The following LRP5 variants were observed in gnomAD, a reference collection of about 807,000 sequenced individuals.
LRP5 encodes the protein low-density lipoprotein receptor-related protein 5.
LRP5 carries 62 observed loss-of-function variants against 154.1 expected under a neutral mutation model. That is an observed-to-expected ratio of 0.40 (90% CI 0.33 to 0.50). The LOEUF is 0.50. LRP5 is among the 20% of genes least tolerant of loss of function. LRP5 has a pLI of 0.55. For synonymous variants in LRP5, 966 were observed against 1,011.5 expected (o/e 0.96, Z 0.85); for missense variants, 1,915 against 2,336.7 (o/e 0.82, Z 3.72).
chr11:68,438,472 A>C lies in LRP5; in HGVS notation c.4138A>C (p.Ser1380Arg). Residue 1380 changes from serine (S) to arginine (R), a missense_variant, in exon 20 of 23, where the codon AGC becomes CGC. Around this residue, in one of 3 missense-constraint regions of LRP5, gnomAD observed 1,094 missense variants for 1,210.1 expected, o/e 0.90. Coordinates refer to ENST00000294304, the MANE Select transcript of LRP5 (RefSeq NM_002335.4). The part of the protein sequence containing the change: ...CEITKPPSDD[S>R]PAHSSAIGPV... Reference sequence around the variant, plus strand: ...AATCACCAAGCCGCCCTCAGACGACAGCCCGGCCCACAGCAGTGCCATCGG... The same window carrying C: ...AATCACCAAGCCGCCCTCAGACGACCGCCCGGCCCACAGCAGTGCCATCGG... 6.2e-7 allele frequency: 1 copy of C among 1,614,194 alleles called. No individual in the cohort carries two copies. The highest frequency in any genetic ancestry group is 8.5e-7 in the Non-Finnish European group (1 of 1,180,050).
chr11:68,429,116 G>T (rs1162462970), intron 16 of LRP5, among the ~76,000 whole-genome samples: 1 of 147,498 alleles, frequency 6.8e-6, no homozygotes, highest in Non-Finnish European at 1.5e-5. Flanking sequence ...AGCCAGGCAT[G>T]GTGGTGCATG....
At chr11:68,394,597 C>G (rs1014689668) in intron 7 of LRP5, among the ~76,000 whole-genome samples, 2 of 152,100 alleles carry the variant, frequency 1.3e-5, no homozygotes, top group Non-Finnish European at 2.9e-5. Flanking sequence ...TCCCGCGTAG[C>G]TGGGACTACA....
At chr11:68,351,056 G>A (rs527267930) in intron 2 of LRP5, among the ~76,000 whole-genome samples, 6 of 152,318 alleles carry the variant, frequency 3.9e-5, no homozygotes, top group Non-Finnish European at 5.9e-5. Context: ...GAGTATGTGC[G>A]CGAGAGTGTC....
chr11:68,327,097 C>T (rs180675647), intron 1 of LRP5, among the ~76,000 whole-genome samples: 254 of 152,358 alleles, frequency 1.7e-3, no homozygotes, highest in African/African-American at 5.7e-3. Flanking sequence ...CCCGCCCCAG[C>T]AGGTGGGGGC....
chr11:68,356,066 G>A (rs1349673277), intron 2 of LRP5, among the ~76,000 whole-genome samples: 2 of 149,800 alleles, frequency 1.3e-5, no homozygotes, highest in East Asian at 2.0e-4. Context: ...GGATGGTCTC[G>A]ATCTCCTGAC....
chr11:68,416,453 G>A lies in LRP5; in HGVS notation c.2953G>A (p.Asp985Asn). Reference sequence around the variant, plus strand: ...GAGGAACGTCAAAGCCATCGACTATGACCCACTGGACAAGTTCATCTACTG... The same window carrying A: ...GAGGAACGTCAAAGCCATCGACTATAACCCACTGGACAAGTTCATCTACTG... ...GLRNVKAIDYDPLDKFIYWVD... is the reference protein window; with the variant it reads ...GLRNVKAIDYNPLDKFIYWVD... Residue 985 changes from aspartate to asparagine, a missense_variant, in exon 13 of 23, where the codon GAC becomes AAC. Asp to Asn is a conservative substitution (Grantham distance 23). Around this residue, in one of 3 missense-constraint regions of LRP5, gnomAD observed 1,094 missense variants for 1,210.1 expected, o/e 0.90. Coordinates refer to ENST00000294304, the MANE Select transcript of LRP5 (RefSeq NM_002335.4). 6.2e-7 allele frequency: 1 copy of A among 1,614,204 alleles called. No homozygotes were observed. Among genetic ancestry groups the A allele is most frequent in the Non-Finnish European group, 8.5e-7 (1 of 1,180,048 alleles).
rs2098620860 is a variant in LRP5 at position 68,353,919 on chromosome 11, G to A, written c.489-3731G>A. Among the ~76,000 whole-genome samples the A allele has an allele frequency of 6.6e-6, 1 of 152,200 alleles. No homozygotes were observed. The highest frequency in any genetic ancestry group is 1.5e-5 in the Non-Finnish European group (1 of 68,030). On this transcript the variant is annotated intron_variant, in intron 2 of 22. Transcript: ENST00000294304. The surrounding 1 kb of genome is among the most constrained non-coding windows in gnomAD (Gnocchi z 4.5). The stretch of plus-strand genomic sequence containing the variant: ...GACATCCAGGCAGGGTTGAGGGAAG[G>A]CACATCCCTCCCAGGCCCAGGGTAC...
intron 19 of LRP5, among the ~76,000 whole-genome samples, 180 bp from the exon 20 acceptor site, chr11:68,438,266 G>T (rs2098676112): frequency 6.6e-6 from 1 of 152,154 alleles, no homozygotes; most frequent in East Asian, 1.9e-4. Context: ...CAGGCTGAAG[G>T]GCCACGTTAC....
At position 68,411,516 on chromosome 11, in the gene LRP5, T is replaced by TG; in HGVS notation, c.2401dup (p.Asp801GlyfsTer12). ...GACGGGACCAACTGCATGACGCTGG[T>TG]GGACAAGGTGGGCCGGGCCAACGAC... On this transcript the variant is annotated frameshift_variant, in exon 11 of 23. Coordinates refer to ENST00000294304, the MANE Select transcript of LRP5 (RefSeq NM_002335.4). LOFTEE classifies it high-confidence loss of function. 1 of 1,613,734 alleles carries TG rather than the reference T, an allele frequency of 6.2e-7. No homozygotes were observed. Among genetic ancestry groups the TG allele is most frequent in the Non-Finnish European group, 8.5e-7 (1 of 1,180,032 alleles).
At chr11:68,320,159 T>G (rs548105994) in intron 1 of LRP5, among the ~76,000 whole-genome samples, 10 of 152,306 alleles carry the variant, frequency 6.6e-5, no homozygotes, top group African/African-American at 2.4e-4. Context: ...AGCGAGACCC[T>G]GTCTCAAATA....
rs745896662 is a variant in LRP5 at position 68,423,475 on chromosome 11, T to C, written c.3028-14T>C. 5.0e-6 allele frequency: 8 copies of C among 1,613,500 alleles called. No homozygotes were observed. The highest frequency in any genetic ancestry group is 5.1e-6 in the Non-Finnish European group (6 of 1,179,474). On this transcript the variant is annotated splice_polypyrimidine_tract_variant and intron_variant, in intron 13 of 22. Coordinates refer to ENST00000294304, the MANE Select transcript of LRP5 (RefSeq NM_002335.4). This position sits in a 1 kb window ranked among gnomAD's most constrained non-coding sequence, Gnocchi z 4.7. ...CCGCCAGTGCTCAGGAGTCTTGGTT[T>C]CTTTGTCTTACAGCCCTTTGTTTTG...
rs1042453204 is a variant in LRP5 at position 68,362,345 on chromosome 11, T to C, written c.687-1402T>C. On this transcript the variant is annotated intron_variant, in intron 3 of 22. Transcript: ENST00000294304. ...TTTGGAACTAGACAGAAGTGGAGGC[T>C]GCACCGCCTTGCGAATGCACTAGGT... Among the ~76,000 whole-genome samples the C allele has an allele frequency of 6.6e-5, 10 of 152,328 alleles. 1 individual carries two copies. Among genetic ancestry groups the C allele is most frequent in the South Asian group, 4.1e-4 (2 of 4,822 alleles).
intron 17 of LRP5, among the ~76,000 whole-genome samples, chr11:68,432,960 T>G (rs1224954615): frequency 6.6e-6 from 1 of 152,226 alleles, no homozygotes; most frequent in Admixed American, 6.5e-5. Flanking sequence ...CCCTCCTCCC[T>G]TTCAGCGCCC....
At chr11:68,403,103 G>C (rs1394848116) in intron 7 of LRP5, among the ~76,000 whole-genome samples, 1 of 152,158 alleles carries the variant, frequency 6.6e-6, no homozygotes, top group Non-Finnish European at 1.5e-5. Flanking sequence ...AAATTCGCCA[G>C]GTGTGGTGGC....
intron 5 of LRP5, among the ~76,000 whole-genome samples, chr11:68,368,404 A>C (rs1224377704): frequency 6.6e-6 from 1 of 152,226 alleles, no homozygotes; most frequent in African/African-American, 2.4e-5. Context: ...GAAAGGCGAG[A>C]AGGAACAGCA....
At chr11:68,372,289 C>T (rs1456474455) in intron 5 of LRP5, among the ~76,000 whole-genome samples, 1 of 136,312 alleles carries the variant, frequency 7.3e-6, no homozygotes, top group Admixed American at 7.6e-5. Flanking sequence ...GTCAGGCAGA[C>T]CCGGGACTGT....
intron 3 of LRP5, among the ~76,000 whole-genome samples, chr11:68,362,264 G>A (rs1565345912): frequency 1.3e-5 from 2 of 152,216 alleles, no homozygotes; most frequent in African/African-American, 4.8e-5. Flanking sequence ...TGGGGGCGGG[G>A]ACTGGGGAGT....
chr11:68,332,216 A>G (rs947065235), intron 1 of LRP5, among the ~76,000 whole-genome samples: 4 of 152,238 alleles, frequency 2.6e-5, no homozygotes, highest in Non-Finnish European at 5.9e-5. Flanking sequence ...CTTTCCCAAC[A>G]GTCATATGCC....
At chr11:68,322,594 C>A (rs2098597332) in intron 1 of LRP5, among the ~76,000 whole-genome samples, 1 of 152,274 alleles carries the variant, frequency 6.6e-6, no homozygotes, top group Admixed American at 6.5e-5. Flanking sequence ...ATGGTCCACC[C>A]AACCTGGGAG....
Sources: allele counts gnomAD v4.1 joint callset (sites outside exome capture counted in the v4.1 genomes callset), GRCh38; gene constraint gnomAD v4.1.1; regional missense constraint gnomAD v4.1.1; non-coding constraint Gnocchi (gnomAD v3.1); transcripts MANE v1.5; gene names NCBI Gene and HGNC (gene_info 2026-07-23, HGNC 2026-07-21).